The following TP53TG5 variants were observed in gnomAD, a reference collection of about 807,000 sequenced individuals.
The protein encoded by TP53TG5 is TP53 target 5.
TP53TG5 carries 17 observed loss-of-function variants against 30.0 expected under a neutral mutation model. That is an observed-to-expected ratio of 0.57 (90% CI 0.39 to 0.85). The LOEUF is 0.85. Ranked by LOEUF, TP53TG5 falls within the 40% of genes least tolerant of loss-of-function variation. TP53TG5 has a pLI of 0.00. For synonymous variants in TP53TG5, 137 were observed against 139.2 expected (o/e 0.98, Z 0.11); for missense variants, 338 against 367.9 (o/e 0.92, Z 0.67).
chr20:45,377,512 A>C (rs1474742832), intron 2 of TP53TG5, 27 bp downstream of exon 2: 27 of 1,613,324 alleles, frequency 1.7e-5, no homozygotes, highest in Non-Finnish European at 2.2e-5. Flanking sequence ...AGCTTCCCCA[A>C]GCTGGGGCCA....
At chr20:45,374,777 C>G (rs747287684) in intron 4 of TP53TG5, 8 of 515,278 alleles carry the variant, frequency 1.6e-5, no homozygotes, top group Non-Finnish European at 2.7e-5. Flanking sequence ...GGCCTTCAGG[C>G]AGTGAGATGG....
Position 45,373,989 on chromosome 20 carries a change from G to C in TP53TG5, c.791C>G (p.Ala264Gly). 1 of 1,613,968 alleles carries C rather than the reference G, an allele frequency of 6.2e-7. No individual in the cohort carries two copies. The highest frequency in any genetic ancestry group is 1.3e-5 in the African/African-American group (1 of 75,008). ...PYKVDVTWTRARGASRGWRSR... is the reference protein window; with the variant it reads ...PYKVDVTWTRGRGASRGWRSR... Reference sequence around the variant, plus strand: ...TCTCCACCCTCTGCTCGCACCTCTGGCTCTCGTCCAGGTCACATCAACCTG... The same window carrying C: ...TCTCCACCCTCTGCTCGCACCTCTGCCTCTCGTCCAGGTCACATCAACCTG... The change falls in exon 5 of 5, where the codon GCC becomes GGC. Residue 264 changes from alanine (A) to glycine (G), a missense_variant. By Grantham distance (60) the Ala-to-Gly change is moderately conservative. Coordinates refer to ENST00000372726, the MANE Select transcript of TP53TG5 (RefSeq NM_014477.3).
intron 3 of TP53TG5, 166 bp from the exon 4 acceptor site, chr20:45,375,718 T>C: frequency 1.3e-6 from 1 of 777,418 alleles, no homozygotes; most frequent in Non-Finnish European, 2.0e-6. Context: ...GGAGGTGTGA[T>C]GAGCACTAGC....
chr20:45,374,258 C>T (rs1988650703), intron 4 of TP53TG5: 1 of 696,362 alleles, frequency 1.4e-6, no homozygotes, highest in Non-Finnish European at 2.6e-6. Flanking sequence ...ACTTTCTGCT[C>T]AGAGTAAATC....
chr20:45,373,998 C>T lies in TP53TG5; in HGVS notation c.782G>A (p.Trp261Ter), dbSNP rs770525146. Residue 261 changes from tryptophan to a stop codon, truncating the protein, a stop_gained, in exon 5 of 5, where the codon TGG (tryptophan) becomes TAG (stop). Coordinates refer to ENST00000372726, the MANE Select transcript of TP53TG5 (RefSeq NM_014477.3). LOFTEE classifies it low-confidence loss of function (END_TRUNC). ...TCTGCTCGCACCTCTGGCTCTCGTC[C>T]AGGTCACATCAACCTGCCAGCAGAA... ...MWHPYKVDVT[W>*]TRARGASRGW... 2 of 1,613,906 alleles carry T rather than the reference C, an allele frequency of 1.2e-6. No homozygotes were observed. Among genetic ancestry groups the T allele is most frequent in the Non-Finnish European group, 1.7e-6 (2 of 1,180,034 alleles).
chr20:45,373,959 C>T lies in TP53TG5; in HGVS notation c.821G>A (p.Arg274His), dbSNP rs772716540. Residue 274 changes from arginine (R) to histidine (H), a missense_variant, in exon 5 of 5, where the codon CGC (arginine) becomes CAC (histidine). Arg to His is a conservative substitution (Grantham distance 29, BLOSUM62 0). Coordinates refer to ENST00000372726, the MANE Select transcript of TP53TG5 (RefSeq NM_014477.3). The stretch of plus-strand genomic sequence containing the variant: ...CCCATTCCTCCCCTTCAGCTGATGG[C>T]GCGATCTCCACCCTCTGCTCGCACC... ...ARGASRGWRS[R>H]HQLKGRNGWR... The T allele has an allele frequency of 6.2e-7, 1 of 1,614,040 alleles. No individual in the cohort carries two copies. The highest frequency in any genetic ancestry group is 8.5e-7 in the Non-Finnish European group (1 of 1,180,024).
rs1988625437 is a variant in TP53TG5 at position 45,373,672 on chromosome 20, C to T, written c.*235G>A. On this transcript the variant is annotated 3_prime_UTR_variant, in exon 5 of 5. Coordinates refer to ENST00000372726, the MANE Select transcript of TP53TG5 (RefSeq NM_014477.3). ...TTGCACCCAGGAAGCACACGAGCGCCCTGACTTCACAGAGCGCGCCACTCA... is the reference window on the plus strand; with the variant it reads ...TTGCACCCAGGAAGCACACGAGCGCTCTGACTTCACAGAGCGCGCCACTCA... 2 of 564,712 alleles carry T rather than the reference C, an allele frequency of 3.5e-6. No individual in the cohort carries two copies. Among genetic ancestry groups the T allele is most frequent in the African/African-American group, 3.7e-5 (2 of 53,428 alleles). 35.0% of individuals were successfully genotyped at this position (564,712 alleles called of 1,614,324 possible).
In TP53TG5 at chr20:45,377,294, G is replaced by A. The variant is rs1175882420; in HGVS notation, c.172C>T (p.Arg58Trp). ...GCCAGCTTATGCAGTTCTTGGATCC[G>A]GCGGTTTGAGCTCTTGAGTAGCTTC... ...LLKLLKSSNR[R>W]IQELHKLAKR... Residue 58 changes from arginine (R) to tryptophan (W), a missense_variant, in exon 3 of 5, where the codon CGG becomes TGG. Coordinates refer to ENST00000372726, the MANE Select transcript of TP53TG5 (RefSeq NM_014477.3). The A allele has an allele frequency of 5.6e-6, 9 of 1,614,042 alleles. No homozygotes were observed. The highest frequency in any genetic ancestry group is 2.7e-5 in the African/African-American group (2 of 74,932).
chr20:45,377,315 G>A lies in TP53TG5; in HGVS notation c.151C>T (p.Leu51=), dbSNP rs766365631. 6.2e-7 allele frequency: 1 copy of A among 1,614,130 alleles called. No individual in the cohort carries two copies. Among genetic ancestry groups the A allele is most frequent in the South Asian group, 1.1e-5 (1 of 91,078 alleles). Residue 51 remains leucine, a synonymous_variant, in exon 3 of 5, where the codon CTA becomes TTA. Transcript: ENST00000372726. ...TVLKNLSLLK[L]LKSSNRRIQE... ...ATCCGGCGGTTTGAGCTCTTGAGTA[G>A]CTTCAAGAGCGACAAGTTTTTTAAC...
At chr20:45,375,006 C>T (rs1016766733) in intron 4 of TP53TG5, 33 bp downstream of exon 4, 5 of 1,593,346 alleles carry the variant, frequency 3.1e-6, no homozygotes, top group South Asian at 1.1e-5. Flanking sequence ...GCTTGCATCT[C>T]ACCTAGCCTG....
chr20:45,377,118 G>A, intron 3 of TP53TG5, 94 bp downstream of exon 3: 1 of 1,517,854 alleles, frequency 6.6e-7, no homozygotes, highest in Non-Finnish European at 8.9e-7. Context: ...GAGGCTTTGT[G>A]AAAATTAGAC....
At position 45,375,099 on chromosome 20, in the gene TP53TG5, C is replaced by T. The variant is rs771670018; in HGVS notation, c.708G>A (p.Lys236=). The T allele has an allele frequency of 6.2e-7, 1 of 1,614,146 alleles. No homozygotes were observed. The highest frequency in any genetic ancestry group is 8.5e-7 in the Non-Finnish European group (1 of 1,180,048). The change falls in exon 4 of 5, where the codon AAG becomes AAA. Residue 236 remains lysine, a synonymous_variant. Transcript: ENST00000372726. ...MCRSSTLRWV[K]RRCTRFCSAS... is the part of the protein sequence containing the mutation. ...CGGAGCAGAAGCGGGTGCAGCGGCG[C>T]TTGACCCAACGCAGGGTGGAGGATC... is the stretch of plus-strand genomic sequence containing the variant.
Position 45,375,274 on chromosome 20 carries a change from A to G in TP53TG5, c.533T>C (p.Leu178Pro). ...LNPGVQGRQP[L>P]TEGPRVIFIK... ...GAAGATGACTCGGGGGCCCTCGGTG[A>G]GTGGTTGCCTCCCCTGGACTCCAGG... Residue 178 changes from leucine (L) to proline (P), a missense_variant, in exon 4 of 5, where the codon CTC becomes CCC. Transcript: ENST00000372726. The G allele has an allele frequency of 6.2e-7, 1 of 1,614,004 alleles. No homozygotes were observed. Among genetic ancestry groups the G allele is most frequent in the Non-Finnish European group, 8.5e-7 (1 of 1,179,994 alleles).
At chr20:45,377,087 T>C in intron 3 of TP53TG5, 125 bp downstream of exon 3, 1 of 1,283,338 alleles carries the variant, frequency 7.8e-7, no homozygotes, top group East Asian at 2.4e-5. Context: ...TAAAATAGAG[T>C]TAATAAATAC....
In TP53TG5 at chr20:45,375,075, G is replaced by T; in HGVS notation, c.732C>A (p.Ser244=). The T allele has an allele frequency of 6.2e-7, 1 of 1,614,034 alleles. No homozygotes were observed. ...GCCACATAGGCATTTCAAGTGATGC[G>T]GAGCAGAAGCGGGTGCAGCGGCGCT... ...WVKRRCTRFC[S]ASLEMPMWHP... Residue 244 remains serine (S), a synonymous_variant, in exon 4 of 5, where the codon TCC becomes TCA. Coordinates refer to ENST00000372726, the MANE Select transcript of TP53TG5 (RefSeq NM_014477.3).
At position 45,373,827 on chromosome 20, in the gene TP53TG5, G is replaced by A; in HGVS notation, c.*80C>T. Reference sequence around the variant, plus strand: ...GCGACACAGGCTCCCTCTACCGAAGGCCTCTTTCCTTCATCCTTCCCAGCC... The same window carrying A: ...GCGACACAGGCTCCCTCTACCGAAGACCTCTTTCCTTCATCCTTCCCAGCC... On this transcript the variant is annotated 3_prime_UTR_variant, in exon 5 of 5. Coordinates refer to ENST00000372726, the MANE Select transcript of TP53TG5 (RefSeq NM_014477.3). 1 of 1,373,002 alleles carries A rather than the reference G, an allele frequency of 7.3e-7. No individual in the cohort carries two copies. Among genetic ancestry groups the A allele is most frequent in the Non-Finnish European group, 1.0e-6 (1 of 963,986 alleles). The allele number at this position is 1,373,002 out of a possible 1,614,324, so 85.1% of individuals were successfully genotyped here.
At position 45,377,558 on chromosome 20, in the gene TP53TG5, T is replaced by A; in HGVS notation, c.104A>T (p.Glu35Val). ...ETEQPVSKVI[E>V]RNRLRTVLKN... is the part of the protein sequence containing the mutation. ...TCTCACCGTTCTCAGACGGTTCCGC[T>A]CAATTACTTTGCTCACAGGCTGCTC... Residue 35 changes from glutamate (E) to valine (V), a missense_variant, in exon 2 of 5, where the codon GAG becomes GTG. By Grantham distance (121) the Glu-to-Val change is moderately radical. Transcript: ENST00000372726. 6.2e-7 allele frequency: 1 copy of A among 1,614,106 alleles called. No homozygotes were observed. Among genetic ancestry groups the A allele is most frequent in the South Asian group, 1.1e-5 (1 of 91,054 alleles).
chr20:45,374,177 C>T (rs1190426286), intron 4 of TP53TG5, 166 bp from the exon 5 acceptor site: 2 of 679,538 alleles, frequency 2.9e-6, no homozygotes, highest in East Asian at 2.7e-5. Context: ...GGGCACTCAC[C>T]CCCTTCCTTT....
rs10546815 is a variant in TP53TG5 at position 45,375,515 on chromosome 20, CATT to C, written c.289_291del (p.Asn97del). The C allele has an allele frequency of 0.6, 960,381 of 1,610,858 alleles. 296,876 individuals are homozygous for C. Among genetic ancestry groups the C allele is most frequent in the Middle Eastern group, 0.65 (3,933 of 6,040 alleles). ...GAGCACCCGATCTCCTGGAACTCTT[CATT>C]ATTTTGTTTTGTTTTATTGCAGGCA... On this transcript the variant is annotated inframe_deletion, in exon 4 of 5. Coordinates refer to ENST00000372726, the MANE Select transcript of TP53TG5 (RefSeq NM_014477.3).
Sources: gnomAD v4.1 joint callset for allele counts on GRCh38, gnomAD v4.1.1 for gene constraint, MANE v1.5 for transcripts, NCBI Gene and HGNC (gene_info 2026-07-23, HGNC 2026-07-21) for gene names.